Variants in MED14 observed in about 807,000 individuals in gnomAD.
MED14 encodes the protein mediator of RNA polymerase II transcription subunit 14.
A neutral mutation model predicts 109.0 loss-of-function variants in MED14; 8 were observed. The ratio of observed to expected loss-of-function variants is 0.07; its 90% CI spans 0.04 to 0.13. MED14 has a LOEUF of 0.13. Ranked by LOEUF, MED14 falls within the 10% of genes least tolerant of loss-of-function variation. The pLI is 1.00. For synonymous variants in MED14, 399 were observed against 408.7 expected (o/e 0.98, Z 0.29); for missense variants, 711 against 1,142.4 (o/e 0.62, Z 5.44).
intron 12 of MED14, among the ~76,000 whole-genome samples, chrX:40,700,763 G>A (rs1930906740): frequency 8.9e-6 from 1 of 111,993 alleles, no homozygotes; most frequent in Non-Finnish European, 1.9e-5. Context: ...CTGTATTCGA[G>A]AAGCAGAAAT....
At chrX:40,682,526 G>A in intron 18 of MED14, 77 bp downstream of exon 18, 1 of 855,805 alleles carries the variant, frequency 1.2e-6, no homozygotes. Context: ...CACTGTGCAT[G>A]TTTCACTTCA....
In MED14 at chrX:40,681,892, C is replaced by T. The variant is rs145122529; in HGVS notation, c.2417G>A (p.Arg806Gln). 4 of 1,154,305 alleles carry T rather than the reference C, an allele frequency of 3.5e-6. No homozygotes were observed. Among genetic ancestry groups the T allele is most frequent in the Non-Finnish European group, 4.6e-6 (4 of 863,472 alleles). The change falls in exon 19 of 31, where the codon CGA (arginine) becomes CAA (glutamine). Residue 806 changes from arginine to glutamine, a missense_variant. Arg to Gln is a conservative substitution (Grantham distance 43, BLOSUM62 1). Transcript: ENST00000324817. The stretch of plus-strand genomic sequence containing the variant: ...GGTTCCATAACACAAGATAAGTTTT[C>T]GGTAATTATAAACACGAACTTCTGA... ...IFSEVRVYNY[R>Q]KLILCYGTTK...
In MED14 at chrX:40,691,863, C is replaced by T. The variant is rs745310738; in HGVS notation, c.1980+320G>A. On this transcript the variant is annotated intron_variant, in intron 15 of 30. Transcript: ENST00000324817. Reference sequence around the variant, plus strand: ...CTGACCTCAAGTGATCCACCCGCCTCGGCCTCCCAAAGTGCTGGGATTACA... The same window carrying T: ...CTGACCTCAAGTGATCCACCCGCCTTGGCCTCCCAAAGTGCTGGGATTACA... 4.7e-5 allele frequency among the ~76,000 whole-genome samples: 5 copies of T among 106,980 alleles called. No individual in the cohort carries two copies. In the East Asian group the frequency reaches 1.2e-3, roughly 26 times the overall value. The allele number at this position is 106,980 out of a possible 115,157, so 92.9% of individuals were successfully genotyped here.
At chrX:40,715,001 G>A (rs975612269) in intron 3 of MED14, 1 of 212,660 alleles carries the variant, frequency 4.7e-6, no homozygotes, top group Non-Finnish European at 8.4e-6. Context: ...AAAATAAGTA[G>A]AATAAAATGG....
In MED14 at chrX:40,733,061, G is replaced by A. The variant is rs145524445; in HGVS notation, c.215+2137C>T. Among the ~76,000 whole-genome samples, 446 of 109,995 alleles carry A rather than the reference G, an allele frequency of 4.1e-3. 3 individuals are homozygous for A. The highest frequency in any genetic ancestry group is 0.014 in the African/African-American group (424 of 30,230). On this transcript the variant is annotated intron_variant, in intron 1 of 30. Coordinates refer to ENST00000324817, the MANE Select transcript of MED14 (RefSeq NM_004229.4). Reference sequence around the variant, plus strand: ...GCCCCATTATGCTCAAAAGTGTCCCGGTTTGGACTATAAATTTTATGGTCA... The same window carrying A: ...GCCCCATTATGCTCAAAAGTGTCCCAGTTTGGACTATAAATTTTATGGTCA...
At chrX:40,660,847 A>G (rs1278896860) in intron 26 of MED14, among the ~76,000 whole-genome samples, 3 of 113,060 alleles carry the variant, frequency 2.7e-5, no homozygotes, top group Non-Finnish European at 3.7e-5. Flanking sequence ...ACCAAATCTT[A>G]GTATGAAGGT....
intron 14 of MED14, among the ~76,000 whole-genome samples, 177 bp downstream of exon 14, chrX:40,692,531 T>C (rs1036946073): frequency 7.1e-5 from 8 of 112,030 alleles, no homozygotes; most frequent in African/African-American, 2.6e-4. Flanking sequence ...TGGTGGACAA[T>C]TATTTAATTA....
Position 40,730,821 on chromosome X carries a change from G to A in MED14, c.216-1476C>T, listed in dbSNP as rs969652891. On this transcript the variant is annotated intron_variant, in intron 1 of 30. Coordinates refer to ENST00000324817, the MANE Select transcript of MED14 (RefSeq NM_004229.4). ...CATGACTGAGATCCTGGCATTTTCT[G>A]AATTAAAAGAAGTTTAAAAAAAAGG... Among the ~76,000 whole-genome samples, 9 of 100,311 alleles carry A rather than the reference G, an allele frequency of 9.0e-5. 1 individual carries two copies. Among genetic ancestry groups the A allele is most frequent in the Middle Eastern group, 1.0e-2 (2 of 201 alleles). The allele number at this position is 100,311 out of a possible 115,157, so 87.1% of individuals were successfully genotyped here.
At chrX:40,666,931 C>T in intron 23 of MED14, 80 bp from the exon 24 acceptor site, 1 of 913,235 alleles carries the variant, frequency 1.1e-6, no homozygotes, top group Middle Eastern at 4.2e-4. Flanking sequence ...TAAAAATCTC[C>T]CTATAAATTA....
intron 21 of MED14, among the ~76,000 whole-genome samples, chrX:40,677,409 T>G (rs1299720809): frequency 1.8e-5 from 2 of 111,120 alleles, no homozygotes; most frequent in Admixed American, 1.9e-4. Context: ...AAGAATCGCT[T>G]AACATTTGAG....
rs988014740 is a variant in MED14 at position 40,714,088 on chromosome X, G to T, written c.523-181C>A. 4.5e-5 allele frequency among the ~76,000 whole-genome samples: 5 copies of T among 111,412 alleles called. No individual in the cohort carries two copies. The Admixed American group carries it at 4.8e-4, about 11-fold the overall frequency. On this transcript the variant is annotated intron_variant, in intron 4 of 30. Coordinates refer to ENST00000324817, the MANE Select transcript of MED14 (RefSeq NM_004229.4). Reference sequence around the variant, plus strand: ...ATGCATAAGAGCAACAATGATTCTAGTCATTTAGCTAAGATCATAATACAA... The same window carrying T: ...ATGCATAAGAGCAACAATGATTCTATTCATTTAGCTAAGATCATAATACAA...
At chrX:40,691,336 C>T (rs978248183) in intron 15 of MED14, among the ~76,000 whole-genome samples, 1 of 111,957 alleles carries the variant, frequency 8.9e-6, no homozygotes, top group Non-Finnish European at 1.9e-5. Context: ...ATGGCTTTAC[C>T]AACTCAAAAA....
rs372100266 is a variant in MED14, at chrX:40,728,943, G to C, written c.242+376C>G. Among the ~76,000 whole-genome samples the C allele has an allele frequency of 4.5e-5, 5 of 110,529 alleles. No individual in the cohort carries two copies. The East Asian group carries it at 1.4e-3, about 31-fold the overall frequency. On this transcript the variant is annotated intron_variant, in intron 2 of 30. Coordinates refer to ENST00000324817, the MANE Select transcript of MED14 (RefSeq NM_004229.4). ...AACAATTATTCTGCCTCAGCCTCCT[G>C]AGTAGCTGGGACTACAGGCGCCCGC...
intron 23 of MED14, among the ~76,000 whole-genome samples, chrX:40,668,938 A>C (rs771444770): frequency 7.2e-5 from 8 of 111,532 alleles, no homozygotes; most frequent in African/African-American, 2.6e-4. Context: ...AAGAGGGGGG[A>C]CTGTACTATG....
chrX:40,712,437 G>A, intron 6 of MED14, 144 bp from the exon 7 acceptor site: 1 of 402,989 alleles, frequency 2.5e-6, no homozygotes, highest in Non-Finnish European at 4.4e-6. Context: ...TGTACTCTGA[G>A]AAACACTGAA....
Position 40,648,865 on chromosome X carries a change from C to T in MED14, c.*2941G>A, listed in dbSNP as rs1319367280. ...TTAATAACCTCAATGCTAAATCCAT[C>T]CTAAGTAAATTTAAATCACATCCTT... On this transcript the variant is annotated 3_prime_UTR_variant, in exon 31 of 31. Transcript: ENST00000324817. 8.9e-6 allele frequency: 1 copy of T among 111,901 alleles called. No individual in the cohort carries two copies. Among genetic ancestry groups the T allele is most frequent in the Non-Finnish European group, 1.9e-5 (1 of 53,139 alleles). The allele number at this position is 111,901 out of a possible 1,213,427, so 9.2% of individuals were successfully genotyped here. A position where few individuals can be genotyped will look rare whatever the true frequency, so the allele number is the denominator to read the frequency against.
In MED14 at chrX:40,650,285, G is replaced by A; in HGVS notation, c.*1521C>T. ...GGCAGAAATAAGACAAAGAAGAAAG[G>A]CAAAGAAGGCTTCAACTCTGATTGA... On this transcript the variant is annotated 3_prime_UTR_variant, in exon 31 of 31. Coordinates refer to ENST00000324817, the MANE Select transcript of MED14 (RefSeq NM_004229.4). The A allele has an allele frequency of 2.7e-6, 2 of 753,643 alleles. No individual in the cohort carries two copies. The highest frequency in any genetic ancestry group is 1.6e-6 in the Non-Finnish European group (1 of 638,663). The allele number at this position is 753,643 out of a possible 1,213,427, so 62.1% of individuals were successfully genotyped here. A position where few individuals can be genotyped will look rare whatever the true frequency, so the allele number is the denominator to read the frequency against.
At position 40,649,539 on chromosome X, in the gene MED14, G is replaced by A; in HGVS notation, c.*2267C>T. On this transcript the variant is annotated 3_prime_UTR_variant, in exon 31 of 31. Coordinates refer to ENST00000324817, the MANE Select transcript of MED14 (RefSeq NM_004229.4). ...TTCATCAAAATTAACTAGAGAGTTG[G>A]TAGTTCTCTGAAACTTTGTATAAAT... 1 of 739,516 alleles carries A rather than the reference G, an allele frequency of 1.4e-6. No homozygotes were observed. The highest frequency in any genetic ancestry group is 1.8e-6 in the Non-Finnish European group (1 of 570,428). 60.9% of individuals were successfully genotyped at this position (739,516 alleles called of 1,213,427 possible). A position where few individuals can be genotyped will look rare whatever the true frequency, so the allele number is the denominator to read the frequency against.
intron 10 of MED14, among the ~76,000 whole-genome samples, chrX:40,704,822 C>T (rs1465043864): frequency 9.0e-6 from 1 of 111,428 alleles, no homozygotes; most frequent in Admixed American, 9.5e-5. Context: ...ATTTGAAATG[C>T]TCCAAAATCC....
Sources: allele counts gnomAD v4.1 joint callset (sites outside exome capture counted in the v4.1 genomes callset), GRCh38; gene constraint gnomAD v4.1.1; transcripts MANE v1.5; gene names NCBI Gene and HGNC (gene_info 2026-07-23, HGNC 2026-07-21).